TMEM45A: variants seen among roughly 807,000 people sequenced by gnomAD.
TMEM45A encodes DNA polymerase-transactivated protein 4.
A neutral mutation model predicts 32.0 loss-of-function variants in TMEM45A; 25 were observed. The ratio of observed to expected loss-of-function variants is 0.78; its 90% CI spans 0.57 to 1.09. The LOEUF (loss-of-function observed/expected upper bound fraction) is 1.09. Among genes scored for constraint, TMEM45A ranks in the 50% least tolerant of loss-of-function variants. The pLI, the probability that TMEM45A is intolerant of heterozygous loss-of-function variation, is 0.00. For synonymous variants in TMEM45A, 122 were observed against 114.8 expected (o/e 1.06, Z -0.40); for missense variants, 302 against 325.0 (o/e 0.93, Z 0.54).
chr3:100,507,890 G>T (rs1219977482), intron 1 of TMEM45A, among the ~76,000 whole-genome samples: 1 of 151,446 alleles, frequency 6.6e-6, no homozygotes, highest in Non-Finnish European at 1.5e-5. Context: ...GGGGCTTCAA[G>T]ATATTTGACT....
At chr3:100,575,695 A>C (rs1248820068) in intron 5 of TMEM45A, among the ~76,000 whole-genome samples, 2 of 152,174 alleles carry the variant, frequency 1.3e-5, no homozygotes, top group Admixed American at 1.3e-4. Flanking sequence ...CTATGAAAAC[A>C]GTCACCAGGA....
Position 100,558,496 on chromosome 3 carries a change from C to T in TMEM45A, c.495C>T (p.Leu165=), listed in dbSNP as rs748905435. 2.1e-5 allele frequency: 34 copies of T among 1,614,016 alleles called. No individual in the cohort carries two copies. Among genetic ancestry groups the T allele is most frequent in the Non-Finnish European group, 2.6e-5 (31 of 1,180,030 alleles). ...LLVLVVFLTG[L]VAFLEFLVRN... is the part of the protein sequence containing the mutation. ...TTTTGGTCGTCTTTCTGACAGGCCT[C>T]GTTGCCTTCCTAGAGTTCCTTGTTC... is the stretch of plus-strand genomic sequence containing the variant. Residue 165 remains leucine (L), a synonymous_variant, in exon 4 of 6, where the codon CTC becomes CTT. Transcript: ENST00000323523.
chr3:100,513,114 A>C (rs1319188834), intron 1 of TMEM45A, among the ~76,000 whole-genome samples: 20 of 149,760 alleles, frequency 1.3e-4, no homozygotes, highest in Non-Finnish European at 2.7e-4. Flanking sequence ...AATCCTCCCT[A>C]ACTCATTTTA....
chr3:100,550,382 CATAG>C (rs1706071455), intron 1 of TMEM45A, among the ~76,000 whole-genome samples: 1 of 151,916 alleles, frequency 6.6e-6, no homozygotes, highest in Non-Finnish European at 1.5e-5. Context: ...TTTGTATCCA[CATAG>C]TATGTGGATA....
At chr3:100,515,530 A>G (rs547166833) in intron 1 of TMEM45A, among the ~76,000 whole-genome samples, 3 of 150,722 alleles carry the variant, frequency 2.0e-5, no homozygotes, top group Admixed American at 1.3e-4. Flanking sequence ...CTAATGCTAG[A>G]TGACGAGTTA....
rs372488175 is a variant in TMEM45A, at chr3:100,558,532, A to C, written c.531A>C (p.Val177=). ...AFLEFLVRNN[V]LLELLRSSLI... is the part of the protein sequence containing the mutation. ...TAGAGTTCCTTGTTCGGAACAATGTACTTCTGGAGCTATTGCGGTCAAGTC... is the reference window on the plus strand; with the variant it reads ...TAGAGTTCCTTGTTCGGAACAATGTCCTTCTGGAGCTATTGCGGTCAAGTC... The change falls in exon 4 of 6, where the codon GTA becomes GTC. Residue 177 remains valine (V), a synonymous_variant. Transcript: ENST00000323523. 3.7e-6 allele frequency: 6 copies of C among 1,613,974 alleles called. No homozygotes were observed. In the African/African-American group the frequency reaches 8.0e-5, roughly 22 times the overall value.
At chr3:100,539,501 A>ATG in intron 1 of TMEM45A, among the ~76,000 whole-genome samples, 2 of 147,614 alleles carry the variant, frequency 1.4e-5, no homozygotes, top group Non-Finnish European at 3.0e-5. Flanking sequence ...GTATACGTAT[A>ATG]CGTATACGTA....
At chr3:100,535,541 C>T (rs1705726068) in intron 1 of TMEM45A, among the ~76,000 whole-genome samples, 2 of 152,162 alleles carry the variant, frequency 1.3e-5, no homozygotes, top group African/African-American at 4.8e-5. Flanking sequence ...TTCTCCCTGC[C>T]CTACTTCCAG....
At chr3:100,536,847 A>G (rs1576276990) in intron 1 of TMEM45A, among the ~76,000 whole-genome samples, 1 of 151,938 alleles carries the variant, frequency 6.6e-6, no homozygotes, top group Non-Finnish European at 1.5e-5. Context: ...CTGGCCCCAC[A>G]CCCCAGCCTG....
intron 4 of TMEM45A, among the ~76,000 whole-genome samples, chr3:100,564,064 G>A (rs1455728188): frequency 6.6e-6 from 1 of 152,206 alleles, no homozygotes; most frequent in Non-Finnish European, 1.5e-5. Context: ...GGGATGGAGA[G>A]GCAAGGGTGT....
At position 100,547,551 on chromosome 3, in the gene TMEM45A, A is replaced by C. The variant is rs557802123; in HGVS notation, c.-3-7658A>C. Reference sequence around the variant, plus strand: ...CATCATAAAGGTCTTCATCCTTATCATCTTTATGTTGAATAGGCTGAGGAG... The same window carrying C: ...CATCATAAAGGTCTTCATCCTTATCCTCTTTATGTTGAATAGGCTGAGGAG... On this transcript the variant is annotated intron_variant, in intron 1 of 5. Transcript: ENST00000323523. Among the ~76,000 whole-genome samples the C allele has an allele frequency of 1.4e-4, 21 of 152,228 alleles. No individual in the cohort carries two copies. The East Asian group carries it at 3.9e-3, about 28-fold the overall frequency.
In TMEM45A at chr3:100,577,237, A is replaced by G; in HGVS notation, c.*219A>G. Reference sequence around the variant, plus strand: ...TTTCATTTTGCACATCATGCACATCATGGTATTCAGGGGCTAGAGTGATTT... The same window carrying G: ...TTTCATTTTGCACATCATGCACATCGTGGTATTCAGGGGCTAGAGTGATTT... On this transcript the variant is annotated 3_prime_UTR_variant, in exon 6 of 6. Coordinates refer to ENST00000323523, the MANE Select transcript of TMEM45A (RefSeq NM_018004.3). 1 of 433,160 alleles carries G rather than the reference A, an allele frequency of 2.3e-6. No homozygotes were observed. The highest frequency in any genetic ancestry group is 4.7e-5 in the East Asian group (1 of 21,486). The allele number at this position is 433,160 out of a possible 1,614,324, so 26.8% of individuals were successfully genotyped here.
intron 1 of TMEM45A, among the ~76,000 whole-genome samples, chr3:100,515,098 A>G (rs1297314891): frequency 7.4e-5 from 11 of 148,560 alleles, no homozygotes; most frequent in Admixed American, 2.7e-4. Flanking sequence ...AACTAGAAAT[A>G]CCATTTGACC....
At chr3:100,536,063 T>C (rs914128340) in intron 1 of TMEM45A, among the ~76,000 whole-genome samples, 1 of 152,164 alleles carries the variant, frequency 6.6e-6, no homozygotes, top group Non-Finnish European at 1.5e-5. Flanking sequence ...CCATAGATAT[T>C]TTTGGTTGTC....
intron 1 of TMEM45A, among the ~76,000 whole-genome samples, chr3:100,544,411 A>G (rs1034252935): frequency 6.6e-6 from 1 of 152,188 alleles, no homozygotes; most frequent in African/African-American, 2.4e-5. Context: ...TTTTAAGAGT[A>G]TAATTTGATG....
intron 5 of TMEM45A, among the ~76,000 whole-genome samples, chr3:100,576,287 A>C (rs1328318787): frequency 6.6e-6 from 1 of 152,100 alleles, no homozygotes; most frequent in Non-Finnish European, 1.5e-5. Flanking sequence ...CATCTCTATT[A>C]AAAATACAAA....
At chr3:100,558,384 A>C in intron 3 of TMEM45A, 21 bp from the exon 4 acceptor site, 1 of 1,611,966 alleles carries the variant, frequency 6.2e-7, no homozygotes. Context: ...TGAAAAAGAC[A>C]ATCTGTTTTT....
intron 1 of TMEM45A, among the ~76,000 whole-genome samples, chr3:100,523,907 G>T (rs953742150): frequency 3.3e-5 from 5 of 152,202 alleles, no homozygotes; most frequent in African/African-American, 9.7e-5. Flanking sequence ...GGAAGGAAGG[G>T]AACTGCATAG....
chr3:100,550,401 T>A (rs1245091325), intron 1 of TMEM45A, among the ~76,000 whole-genome samples: 6 of 152,052 alleles, frequency 3.9e-5, no homozygotes, highest in African/African-American at 1.4e-4. Flanking sequence ...TGGATACAAT[T>A]TGAGTATTAA....
Sources: gnomAD v4.1 joint callset for allele counts (sites outside exome capture counted in the v4.1 genomes callset) on GRCh38, gnomAD v4.1.1 for gene constraint, MANE v1.5 for transcripts, NCBI Gene and HGNC (gene_info 2026-07-23, HGNC 2026-07-21) for gene names.